MBNL3: variants seen among roughly 807,000 people sequenced by gnomAD.
MBNL3 encodes the protein muscleblind-like protein 3.
In MBNL3, 6 loss-of-function variants were observed where a neutral mutation model predicts 24.5. The observed-to-expected ratio is 0.25, with a 90% CI of 0.13 to 0.48. MBNL3 has a LOEUF of 0.48. MBNL3 is among the 20% of genes least tolerant of loss of function. The pLI, the probability that MBNL3 is intolerant of heterozygous loss-of-function variation, is 0.99. For synonymous variants in MBNL3, 100 were observed against 101.7 expected (o/e 0.98, Z 0.10); for missense variants, 230 against 293.5 (o/e 0.78, Z 1.58).
chrX:132,418,402 G>C (rs1943491689), intron 2 of MBNL3, among the ~76,000 whole-genome samples: 1 of 111,851 alleles, frequency 8.9e-6, no homozygotes, highest in Non-Finnish European at 1.9e-5. Flanking sequence ...GGGGCACTGA[G>C]AAGTGAAGAC....
Position 132,372,511 on chromosome X carries a change from T to C in MBNL3, c.*7155A>G, listed in dbSNP as rs1291320155. The stretch of plus-strand genomic sequence containing the variant: ...TATTAAAATAATATTAAAATATTAA[T>C]AAATAAGTTTATTTTGAAAAGGGCA... On this transcript the variant is annotated 3_prime_UTR_variant, in exon 9 of 9. Coordinates refer to ENST00000370853, the MANE Select transcript of MBNL3 (RefSeq NM_001386889.1). 5 of 108,284 alleles carry C rather than the reference T, an allele frequency of 4.6e-5. No homozygotes were observed. The East Asian group carries it at 1.4e-3, about 30-fold the overall frequency. 8.9% of individuals were successfully genotyped at this position (108,284 alleles called of 1,213,427 possible). A position where few individuals can be genotyped will look rare whatever the true frequency, so the allele number is the denominator to read the frequency against.
At chrX:132,473,787 A>C (rs1474009627) in intron 1 of MBNL3, among the ~76,000 whole-genome samples, 1 of 111,849 alleles carries the variant, frequency 8.9e-6, no homozygotes, top group Non-Finnish European at 1.9e-5. Flanking sequence ...GGCAAAATAA[A>C]CACAGTTTTG....
rs898161067 is a variant in MBNL3 at position 132,372,871 on chromosome X, C to T, written c.*6795G>A. On this transcript the variant is annotated 3_prime_UTR_variant, in exon 9 of 9. Coordinates refer to ENST00000370853, the MANE Select transcript of MBNL3 (RefSeq NM_001386889.1). ...AGTCATACATTTTTTTTACATATAC[C>T]ATAATTGTGGATGGATTCTATTTAA... 21 of 111,000 alleles carry T rather than the reference C, an allele frequency of 1.9e-4. No individual in the cohort carries two copies. Among genetic ancestry groups the T allele is most frequent in the African/African-American group, 6.5e-4 (20 of 30,648 alleles). The allele number at this position is 111,000 out of a possible 1,213,427, so 9.1% of individuals were successfully genotyped here. A position where few individuals can be genotyped will look rare whatever the true frequency, so the allele number is the denominator to read the frequency against.
At chrX:132,418,899 G>T (rs1181872682) in intron 2 of MBNL3, among the ~76,000 whole-genome samples, 1 of 112,050 alleles carries the variant, frequency 8.9e-6, no homozygotes, top group Admixed American at 9.4e-5. Context: ...TCAGCGTCCC[G>T]AGTAGCTGGG....
intron 1 of MBNL3, among the ~76,000 whole-genome samples, chrX:132,483,980 T>C (rs1166095995): frequency 8.9e-6 from 1 of 112,346 alleles, no homozygotes; most frequent in Non-Finnish European, 1.9e-5. Flanking sequence ...ACAGTATTTC[T>C]GATTTTTTTT....
chrX:132,472,828 T>G (rs1947249419), intron 1 of MBNL3, among the ~76,000 whole-genome samples: 1 of 112,156 alleles, frequency 8.9e-6, no homozygotes, highest in Admixed American at 9.4e-5. Flanking sequence ...TGTTGATTAT[T>G]GATACTATCC....
At chrX:132,446,244 T>C (rs1945712643) in intron 1 of MBNL3, among the ~76,000 whole-genome samples, 1 of 112,190 alleles carries the variant, frequency 8.9e-6, no homozygotes, top group East Asian at 2.8e-4. Context: ...TGAATCGTGC[T>C]ACAATAAACA....
At chrX:132,396,335 C>T (rs1440696921) in intron 3 of MBNL3, among the ~76,000 whole-genome samples, 1 of 64,951 alleles carries the variant, frequency 1.5e-5, no homozygotes, top group Non-Finnish European at 2.6e-5. Flanking sequence ...CATATATATT[C>T]ATATATATTC....
rs767658502 is a variant in MBNL3 at position 132,406,416 on chromosome X, T to G, written c.178-24A>C. ...CCCTGACAATGAAGAATAGGGAAAA[T>G]ATTAAATTAAAACTATACACAAATA... On this transcript the variant is annotated intron_variant, in intron 2 of 8. Transcript: ENST00000370853. 9.4e-5 allele frequency: 108 copies of G among 1,153,343 alleles called. 1 individual carries two copies. The South Asian group carries it at 2.2e-3, about 23-fold the overall frequency.
At chrX:132,386,222 T>A (rs1278685428) in intron 6 of MBNL3, among the ~76,000 whole-genome samples, 2 of 112,343 alleles carry the variant, frequency 1.8e-5, no homozygotes, top group Non-Finnish European at 3.8e-5. Flanking sequence ...TTATACTATA[T>A]TATGCACTTA....
rs760733826 is a variant in MBNL3 at position 132,386,012 on chromosome X, C to T, written c.922+649G>A. Reference sequence around the variant, plus strand: ...TAAACCACTGGAAGAAAATTAGTTTCCCCCCAATATATGATATCTAATTGA... The same window carrying T: ...TAAACCACTGGAAGAAAATTAGTTTTCCCCCAATATATGATATCTAATTGA... On this transcript the variant is annotated intron_variant, in intron 6 of 8. Coordinates refer to ENST00000370853, the MANE Select transcript of MBNL3 (RefSeq NM_001386889.1). Among the ~76,000 whole-genome samples, 240 of 110,900 alleles carry T rather than the reference C, an allele frequency of 2.2e-3. 1 individual carries two copies. Among genetic ancestry groups the T allele is most frequent in the Middle Eastern group, 0.014 (3 of 211 alleles).
intron 1 of MBNL3, among the ~76,000 whole-genome samples, chrX:132,468,906 T>C (rs990534033): frequency 3.1e-4 from 35 of 112,838 alleles, no homozygotes; most frequent in East Asian, 2.8e-4. Context: ...CAAAGTTCTA[T>C]TACAATATAG....
intron 1 of MBNL3, among the ~76,000 whole-genome samples, chrX:132,455,106 A>G (rs1249412977): frequency 1.8e-5 from 2 of 111,805 alleles, no homozygotes; most frequent in Non-Finnish European, 3.8e-5. Context: ...AATATAATAC[A>G]GTCATTATAA....
At position 132,376,958 on chromosome X, in the gene MBNL3, G is replaced by A. The variant is rs750128886; in HGVS notation, c.*2708C>T. 2 of 111,337 alleles carry A rather than the reference G, an allele frequency of 1.8e-5. No individual in the cohort carries two copies. Among genetic ancestry groups the A allele is most frequent in the South Asian group, 3.7e-4 (1 of 2,668 alleles). The allele number at this position is 111,337 out of a possible 1,213,427, so 9.2% of individuals were successfully genotyped here. ...TACAGTGGCCCTAAATACCCCTCAC[G>A]GAACCTTTTACTTTAAGGTAAGTCA... is the stretch of plus-strand genomic sequence containing the variant. On this transcript the variant is annotated 3_prime_UTR_variant, in exon 9 of 9. Coordinates refer to ENST00000370853, the MANE Select transcript of MBNL3 (RefSeq NM_001386889.1).
chrX:132,392,397 G>C (rs1603100554), intron 3 of MBNL3, 63 bp from the exon 4 acceptor site: 8 of 897,511 alleles, frequency 8.9e-6, no homozygotes, highest in African/African-American at 2.0e-5. Flanking sequence ...ATTACACAAA[G>C]AGGTATTCTT....
At chrX:132,430,674 T>C (rs1209676074) in intron 2 of MBNL3, 2 of 112,479 alleles carry the variant, frequency 1.8e-5, no homozygotes, top group Non-Finnish European at 3.8e-5. Flanking sequence ...TCTGAGGGTA[T>C]GTGATATTGA....
At chrX:132,422,127 ATGTG>A (rs113734916) in intron 2 of MBNL3, among the ~76,000 whole-genome samples, 4,802 of 101,872 alleles carry the variant, frequency 0.047, 259 homozygotes, top group African/African-American at 0.15. Flanking sequence ...TGAATATACT[ATGTG>A]TGTGTGTGTG....
intron 3 of MBNL3, 25 bp from the exon 4 acceptor site, chrX:132,392,359 G>T (rs759942218): frequency 9.1e-7 from 1 of 1,104,474 alleles, no homozygotes; most frequent in South Asian, 2.2e-5. Context: ...GAGAAAAAAA[G>T]ATGTTAGAGG....
chrX:132,489,325 G>A (rs922725970), upstream of MBNL3, among the ~76,000 whole-genome samples: 1 of 112,133 alleles, frequency 8.9e-6, no homozygotes, highest in Non-Finnish European at 1.9e-5. Flanking sequence ...CCGGCGGGCT[G>A]TGGGAGGAGG....
Sources: allele counts gnomAD v4.1 joint callset (sites outside exome capture counted in the v4.1 genomes callset), GRCh38; gene constraint gnomAD v4.1.1; transcripts MANE v1.5; gene names NCBI Gene and HGNC (gene_info 2026-07-23, HGNC 2026-07-21).